Variants in PCDHGB4 observed in about 807,000 individuals in gnomAD.
The protein encoded by PCDHGB4 is protocadherin gamma subfamily B, 4.
A neutral mutation model predicts 60.5 loss-of-function variants in PCDHGB4; 38 were observed. That is an observed-to-expected ratio of 0.63 (90% confidence interval 0.48 to 0.82). The LOEUF is 0.82. PCDHGB4 is among the 40% of genes least tolerant of loss of function. The probability of loss-of-function intolerance (pLI) is 0.00; values close to 1 mark genes in which losing one functional copy is unlikely to be tolerated. For missense variants in PCDHGB4, 1,109 were observed against 1,209.6 expected (o/e 0.92, Z 1.23); for synonymous variants, 456 against 509.7 (o/e 0.89, Z 1.42).
At chr5:141,413,597 A>C in intron 1 of PCDHGB4, 2 of 1,613,888 alleles carry the variant, frequency 1.2e-6, no homozygotes, top group Non-Finnish European at 8.5e-7. Context: ...CAAGCAGAAA[A>C]TCTAGACGTA....
rs753051237 is a variant in PCDHGB4, at chr5:141,490,422, A to G, written c.2398-4385A>G. On this transcript the variant is annotated intron_variant, in intron 1 of 3. Coordinates refer to ENST00000519479, the MANE Select transcript of PCDHGB4 (RefSeq NM_003736.4). This position sits in a 1 kb window ranked among gnomAD's most constrained non-coding sequence, Gnocchi z 5.4. Reference sequence around the variant, plus strand: ...GCCTTGATATCTCTCCGGACCTGCCATTTCAGATTAAGCCTTCTGAGAACC... The same window carrying G: ...GCCTTGATATCTCTCCGGACCTGCCGTTTCAGATTAAGCCTTCTGAGAACC... 1 of 1,614,178 alleles carries G rather than the reference A, an allele frequency of 6.2e-7. No individual in the cohort carries two copies. The highest frequency in any genetic ancestry group is 1.7e-5 in the Admixed American group (1 of 60,030).
rs373728953 is a variant in PCDHGB4 at position 141,491,753 on chromosome 5, C to A, written c.2398-3054C>A. The A allele has an allele frequency of 6.3e-7, 1 of 1,585,146 alleles. No homozygotes were observed. The highest frequency in any genetic ancestry group is 8.6e-7 in the Non-Finnish European group (1 of 1,166,912). On this transcript the variant is annotated intron_variant, in intron 1 of 3. Transcript: ENST00000519479. This position sits in a 1 kb window ranked among gnomAD's most constrained non-coding sequence, Gnocchi z 6.9. The stretch of plus-strand genomic sequence containing the variant: ...ACCCCTGGGGGCGGCACTGGAGAAG[C>A]CGCCCGTCCTCATAAGGGATTGAAC...
chr5:141,399,202 G>T, intron 1 of PCDHGB4: 1 of 1,613,914 alleles, frequency 6.2e-7, no homozygotes, highest in Non-Finnish European at 8.5e-7. Context: ...CGCGGTGCCT[G>T]GAACACTAAT....
intron 2 of PCDHGB4, among the ~76,000 whole-genome samples, chr5:141,495,902 C>T (rs749735668): frequency 2.6e-5 from 4 of 152,120 alleles, no homozygotes; most frequent in Non-Finnish European, 2.9e-5. Context: ...TTGTCTCTGT[C>T]TCTGTATATC....
chr5:141,478,135 C>T (rs1307702473), intron 1 of PCDHGB4: 7 of 1,613,970 alleles, frequency 4.3e-6, no homozygotes, highest in African/African-American at 1.3e-5. Flanking sequence ...CTCCTGAAGC[C>T]CGAGCCGAGT....
intron 1 of PCDHGB4, chr5:141,413,526 G>T: frequency 6.2e-7 from 1 of 1,613,936 alleles, no homozygotes; most frequent in Non-Finnish European, 8.5e-7. Context: ...TGGAAGACAG[G>T]GTGAAACTTT....
chr5:141,427,822 T>C (rs1446832816), intron 1 of PCDHGB4: 1 of 1,534,220 alleles, frequency 6.5e-7, no homozygotes, highest in Non-Finnish European at 8.9e-7. Flanking sequence ...GGGGTGGTGG[T>C]CGCGCAGCGT....
rs748189764 is a variant in PCDHGB4 at position 141,404,578 on chromosome 5, T to G, written c.2397+14297T>G. 1.9e-6 allele frequency: 3 copies of G among 1,613,950 alleles called. No homozygotes were observed. The Admixed American group carries it at 5.0e-5, about 27-fold the overall frequency. On this transcript the variant is annotated intron_variant, in intron 1 of 3. Coordinates refer to ENST00000519479, the MANE Select transcript of PCDHGB4 (RefSeq NM_003736.4). ...CAAGTGACAGTGGAAGCCCACCACTTAGCAGCAATGTGTCATTGAGACTGT... is the reference window on the plus strand; with the variant it reads ...CAAGTGACAGTGGAAGCCCACCACTGAGCAGCAATGTGTCATTGAGACTGT...
At chr5:141,495,452 C>T (rs543717781) in intron 2 of PCDHGB4, among the ~76,000 whole-genome samples, 1 of 152,356 alleles carries the variant, frequency 6.6e-6, no homozygotes, top group Non-Finnish European at 1.5e-5. Context: ...TTGTCCTGCT[C>T]TCTGTCTGTG....
intron 1 of PCDHGB4, among the ~76,000 whole-genome samples, chr5:141,469,821 G>A (rs2099212107): frequency 6.6e-6 from 1 of 152,028 alleles, no homozygotes; most frequent in Admixed American, 6.6e-5. Flanking sequence ...TAGAATGGAG[G>A]TCACATAAAA....
In PCDHGB4 at chr5:141,477,815, G is replaced by C; in HGVS notation, c.2398-16992G>C. On this transcript the variant is annotated intron_variant, in intron 1 of 3. Coordinates refer to ENST00000519479, the MANE Select transcript of PCDHGB4 (RefSeq NM_003736.4). The surrounding 1 kb of genome is among the most constrained non-coding windows in gnomAD (Gnocchi z 4.9). ...TGATCGCAATGACAATGCCCCCCAG[G>C]TCCTATATCCTCGGCCAGGTGGGAG... 1 of 1,614,106 alleles carries C rather than the reference G, an allele frequency of 6.2e-7. No homozygotes were observed. Among genetic ancestry groups the C allele is most frequent in the Non-Finnish European group, 8.5e-7 (1 of 1,180,034 alleles).
intron 3 of PCDHGB4, 43 bp downstream of exon 3, chr5:141,505,524 G>A: frequency 6.2e-7 from 1 of 1,612,712 alleles, no homozygotes; most frequent in Non-Finnish European, 8.5e-7. Context: ...GGAGACCTGG[G>A]GTTCTGGGGT....
chr5:141,415,487 A>C, intron 1 of PCDHGB4: 1 of 1,614,170 alleles, frequency 6.2e-7, no homozygotes, highest in Non-Finnish European at 8.5e-7. Context: ...CGAAAGAGTC[A>C]CCTGATCTTC....
chr5:141,485,714 G>A lies in PCDHGB4; in HGVS notation c.2398-9093G>A. 6.2e-7 allele frequency: 1 copy of A among 1,614,182 alleles called. No individual in the cohort carries two copies. The highest frequency in any genetic ancestry group is 8.5e-7 in the Non-Finnish European group (1 of 1,180,042). On this transcript the variant is annotated intron_variant, in intron 1 of 3. Transcript: ENST00000519479. This position sits in a 1 kb window ranked among gnomAD's most constrained non-coding sequence, Gnocchi z 5.7. ...GAGCTCCAATGAACACTTTGCACTG[G>A]ATGTGAAGAAGCGCAGCGACGGCAG...
Position 141,387,706 on chromosome 5 carries a change from C to T in PCDHGB4, c.-179C>T. The T allele has an allele frequency of 1.0e-6, 1 of 992,322 alleles. No individual in the cohort carries two copies. The allele number at this position is 992,322 out of a possible 1,614,324, so 61.5% of individuals were successfully genotyped here. On this transcript the variant is annotated 5_prime_UTR_variant, in exon 1 of 4. Coordinates refer to ENST00000519479, the MANE Select transcript of PCDHGB4 (RefSeq NM_003736.4). ...GCCGCAGCGCGCTTTCCAGGGCAGC[C>T]CCAGCTCAGACTCCCCAGCGCCAGC...
chr5:141,490,380 T>C lies in PCDHGB4; in HGVS notation c.2398-4427T>C, dbSNP rs1246254637. 1 of 1,614,204 alleles carries C rather than the reference T, an allele frequency of 6.2e-7. No individual in the cohort carries two copies. ...TTAATGTGCGAGACCGGGACTCAGGTAGAAATGGTGAAGTGAGCCTTGATA... is the reference window on the plus strand; with the variant it reads ...TTAATGTGCGAGACCGGGACTCAGGCAGAAATGGTGAAGTGAGCCTTGATA... On this transcript the variant is annotated intron_variant, in intron 1 of 3. Coordinates refer to ENST00000519479, the MANE Select transcript of PCDHGB4 (RefSeq NM_003736.4). This position sits in a 1 kb window ranked among gnomAD's most constrained non-coding sequence, Gnocchi z 5.4.
In PCDHGB4 at chr5:141,491,856, C is replaced by A. The variant is rs754113958; in HGVS notation, c.2398-2951C>A. On this transcript the variant is annotated intron_variant, in intron 1 of 3. Coordinates refer to ENST00000519479, the MANE Select transcript of PCDHGB4 (RefSeq NM_003736.4). This position sits in a 1 kb window ranked among gnomAD's most constrained non-coding sequence, Gnocchi z 6.9. ...TCTCGGGATCATTGGACCGTTTGCG[C>A]GAAACCAGAGTGGCCGATTAAGGGA... 6.9e-7 allele frequency: 1 copy of A among 1,458,728 alleles called. No individual in the cohort carries two copies. The highest frequency in any genetic ancestry group is 9.1e-7 in the Non-Finnish European group (1 of 1,103,072). The allele number at this position is 1,458,728 out of a possible 1,614,324, so 90.4% of individuals were successfully genotyped here. A position where few individuals can be genotyped will look rare whatever the true frequency, so the allele number is the denominator to read the frequency against.
chr5:141,399,001 T>G, intron 1 of PCDHGB4: 1 of 1,613,890 alleles, frequency 6.2e-7, no homozygotes, highest in Non-Finnish European at 8.5e-7. Context: ...TAGTCTGAAT[T>G]CAAAGAGCGG....
chr5:141,419,549 T>C, intron 1 of PCDHGB4: 1 of 1,612,006 alleles, frequency 6.2e-7, no homozygotes, highest in Non-Finnish European at 8.5e-7. Context: ...GCGGGTGCTG[T>C]ACCCTGCGCT....
Sources: allele counts gnomAD v4.1 joint callset (sites outside exome capture counted in the v4.1 genomes callset), GRCh38; gene constraint gnomAD v4.1.1; non-coding constraint Gnocchi (gnomAD v3.1); transcripts MANE v1.5; gene names NCBI Gene and HGNC (gene_info 2026-07-23, HGNC 2026-07-21).